Variants in RBFOX1 observed in about 807,000 individuals in gnomAD.
The protein encoded by RBFOX1 is RNA binding protein fox-1 homolog 1.
In RBFOX1, 8 loss-of-function variants were observed where a neutral mutation model predicts 57.7. The ratio of observed to expected loss-of-function variants is 0.14; its 90% CI spans 0.08 to 0.25. The LOEUF (loss-of-function observed/expected upper bound fraction) is 0.25, where lower values mean the gene tolerates loss of function less well. Among genes scored for constraint, RBFOX1 ranks in the 10% least tolerant of loss-of-function variants. RBFOX1 has a pLI of 1.00. For missense variants in RBFOX1, 611 were observed against 548.5 expected, an observed-to-expected ratio of 1.11 and a Z score of -1.14; for synonymous variants, 326 against 222.4, an observed-to-expected ratio of 1.47 and a Z score of -4.15.
chr16:6,862,982 C>G (rs1187956100), intron 3 of RBFOX1, among the ~76,000 whole-genome samples: 6 of 141,160 alleles, frequency 4.3e-5, no homozygotes, highest in Non-Finnish European at 9.3e-5. Flanking sequence ...GAGACTCTGT[C>G]TAAAAAAAAA....
chr16:7,700,071 G>A (rs192051634), intron 14 of RBFOX1, among the ~76,000 whole-genome samples: 211 of 152,190 alleles, frequency 1.4e-3, no homozygotes, highest in African/African-American at 4.6e-3. Context: ...TTCTCAACCT[G>A]CTTGTTTTGT....
chr16:6,292,492 A>T (rs2077576922), intron 1 of RBFOX1, among the ~76,000 whole-genome samples: 1 of 152,124 alleles, frequency 6.6e-6, no homozygotes, highest in South Asian at 2.1e-4. Flanking sequence ...ATACGTTTGA[A>T]TACTGAAAGC....
intron 1 of RBFOX1, among the ~76,000 whole-genome samples, chr16:5,352,184 G>A (rs1273523988): frequency 1.3e-5 from 2 of 152,154 alleles, no homozygotes; most frequent in African/African-American, 2.4e-5. Flanking sequence ...AGCGGATGCT[G>A]CTTCCCTCTC....
chr16:6,041,358 T>A (rs755315399), intron 1 of RBFOX1, among the ~76,000 whole-genome samples: 2 of 152,252 alleles, frequency 1.3e-5, no homozygotes, highest in Non-Finnish European at 2.9e-5. Flanking sequence ...AGAGGAGATA[T>A]CAAAGAATTT....
chr16:5,999,800 G>A (rs1036114944), intron 4 of RBFOX1, among the ~76,000 whole-genome samples: 1 of 142,792 alleles, frequency 7.0e-6, no homozygotes, highest in Non-Finnish European at 1.5e-5. Flanking sequence ...GGCGGAGCTT[G>A]TGGTGAGCAG....
intron 4 of RBFOX1, among the ~76,000 whole-genome samples, chr16:7,490,001 T>C (rs1298063195): frequency 6.6e-6 from 1 of 152,206 alleles, no homozygotes; most frequent in African/African-American, 2.4e-5. Flanking sequence ...AAAATGCTCC[T>C]TTTGAATGGA....
Position 6,022,468 on chromosome 16 carries a change from T to G in RBFOX1, c.-127+2476T>G, listed in dbSNP as rs112709156. ...GGCTGAGGTGGGCGTATTGCTTGAG[T>G]CCAGGAGTTCAAGACCAGCCTGGAC... On this transcript the variant is annotated intron_variant, in intron 1 of 15. Coordinates refer to ENST00000550418, the MANE Select transcript of RBFOX1 (RefSeq NM_018723.4). 2.8e-3 allele frequency among the ~76,000 whole-genome samples: 427 copies of G among 151,926 alleles called. 3 individuals are homozygous for G. The highest frequency in any genetic ancestry group is 9.9e-3 in the African/African-American group (410 of 41,394).
At chr16:6,722,287 TCTC>T (rs1411320139) in intron 3 of RBFOX1, among the ~76,000 whole-genome samples, 4 of 151,954 alleles carry the variant, frequency 2.6e-5, no homozygotes, top group African/African-American at 9.7e-5. Flanking sequence ...AGTTTCCACT[TCTC>T]CACAGCCTCG....
chr16:7,101,034 C>T (rs906155073), intron 4 of RBFOX1, among the ~76,000 whole-genome samples: 7 of 152,056 alleles, frequency 4.6e-5, no homozygotes, highest in Non-Finnish European at 2.9e-5. Flanking sequence ...ATATATGGTA[C>T]AAAGTTACCT....
intron 4 of RBFOX1, among the ~76,000 whole-genome samples, chr16:7,345,139 T>G (rs990000573): frequency 3.3e-5 from 5 of 152,196 alleles, no homozygotes; most frequent in Non-Finnish European, 7.3e-5. Flanking sequence ...ACTTTCTGTT[T>G]TCCGTTTAAA....
chr16:5,594,856 A>T (rs2047129075), intron 2 of RBFOX1, among the ~76,000 whole-genome samples: 1 of 151,488 alleles, frequency 6.6e-6, no homozygotes, highest in South Asian at 2.1e-4. Flanking sequence ...GTGTGGCTGA[A>T]TGTGGTGGCT....
intron 3 of RBFOX1, among the ~76,000 whole-genome samples, chr16:7,021,427 T>C (rs1484123559): frequency 6.8e-6 from 1 of 146,188 alleles, no homozygotes; most frequent in Non-Finnish European, 1.5e-5. Flanking sequence ...TTTATATATT[T>C]GTATATATGT....
intron 3 of RBFOX1, among the ~76,000 whole-genome samples, chr16:6,976,242 G>T (rs1261268669): frequency 6.6e-6 from 1 of 152,188 alleles, no homozygotes; most frequent in Non-Finnish European, 1.5e-5. Flanking sequence ...AGGGGAAACT[G>T]AGGCACGGGG....
intron 10 of RBFOX1, among the ~76,000 whole-genome samples, chr16:7,623,418 G>A (rs1399638558): frequency 6.6e-6 from 1 of 152,180 alleles, no homozygotes; most frequent in Admixed American, 6.5e-5. Flanking sequence ...AGTCCTGTCT[G>A]GGAGCGATGG....
intron 3 of RBFOX1, among the ~76,000 whole-genome samples, chr16:6,848,748 G>C (rs201260539): frequency 1.3e-5 from 2 of 152,096 alleles, no homozygotes; most frequent in Non-Finnish European, 2.9e-5. Flanking sequence ...CATATGACAA[G>C]TCACATTGCC....
intron 3 of RBFOX1, among the ~76,000 whole-genome samples, chr16:5,864,546 A>AC (rs1361299150): frequency 4.8e-5 from 1 of 20,760 alleles, no homozygotes; most frequent in African/African-American, 2.2e-4. Context: ...TACATACTTG[A>AC]GTTTTTTTTT....
At chr16:5,724,705 G>A (rs182652478) in intron 3 of RBFOX1, among the ~76,000 whole-genome samples, 3 of 152,288 alleles carry the variant, frequency 2.0e-5, no homozygotes, top group Admixed American at 6.5e-5. Flanking sequence ...GAGCCCAGAT[G>A]GGAAGTAAGG....
At chr16:6,327,605 A>G (rs2082526298) in intron 2 of RBFOX1, among the ~76,000 whole-genome samples, 1 of 152,192 alleles carries the variant, frequency 6.6e-6, no homozygotes, top group African/African-American at 2.4e-5. Context: ...TGACTTTGCA[A>G]TTAGGAGTCA....
At chr16:6,080,611 A>G (rs1567407226) in intron 1 of RBFOX1, among the ~76,000 whole-genome samples, 1 of 152,222 alleles carries the variant, frequency 6.6e-6, no homozygotes, top group Non-Finnish European at 1.5e-5. Flanking sequence ...AATGACACAT[A>G]GCACCAACTT....
Sources: gnomAD v4.1 joint callset for allele counts (sites outside exome capture counted in the v4.1 genomes callset) on GRCh38, gnomAD v4.1.1 for gene constraint, MANE v1.5 for transcripts, NCBI Gene and HGNC (gene_info 2026-07-23, HGNC 2026-07-21) for gene names.